VIPR2: variants seen among roughly 807,000 people sequenced by gnomAD.
The protein encoded by VIPR2 is vasoactive intestinal peptide receptor 2.
Under a neutral mutation model 58.0 loss-of-function variants are expected in VIPR2, and 48 were observed. The ratio of observed to expected loss-of-function variants is 0.83; its 90% CI spans 0.66 to 1.05. The LOEUF (loss-of-function observed/expected upper bound fraction) is 1.05, where lower values mean the gene tolerates loss of function less well. Ranked by LOEUF, VIPR2 falls within the 50% of genes least tolerant of loss-of-function variation. The pLI, the probability that VIPR2 is intolerant of heterozygous loss-of-function variation, is 0.00. For missense variants in VIPR2, 534 were observed against 558.0 expected (o/e 0.96, Z 0.43); for synonymous variants, 243 against 235.2 (o/e 1.03, Z -0.30).
Position 159,097,516 on chromosome 7 carries a change from C to T in VIPR2, c.357+6241G>A, listed in dbSNP as rs1857934850. Among the ~76,000 whole-genome samples, 1 of 152,052 alleles carries T rather than the reference C, an allele frequency of 6.6e-6. No homozygotes were observed. The highest frequency in any genetic ancestry group is 2.4e-5 in the African/African-American group (1 of 41,412). On this transcript the variant is annotated intron_variant, in intron 4 of 12. Transcript: ENST00000262178. The surrounding 1 kb of genome is among the most constrained non-coding windows in gnomAD (Gnocchi z 5.3). Reference sequence around the variant, plus strand: ...CTCCACCACAGAAGCAATGGCAGGGCTGTGAGTGCCCAGGGTGTTAGAGAT... The same window carrying T: ...CTCCACCACAGAAGCAATGGCAGGGTTGTGAGTGCCCAGGGTGTTAGAGAT...
At position 159,030,565 on chromosome 7, in the gene VIPR2, A is replaced by G; in HGVS notation, c.*51T>C. On this transcript the variant is annotated 3_prime_UTR_variant, in exon 13 of 13. Coordinates refer to ENST00000262178, the MANE Select transcript of VIPR2 (RefSeq NM_003382.5). The stretch of plus-strand genomic sequence containing the variant: ...GAGGAAGCCGGCGTCTCAGCCCCGC[A>G]GAAGCCCCGAACCGTGGGCCTCCCG... 2 of 1,477,746 alleles carry G rather than the reference A, an allele frequency of 1.4e-6. No homozygotes were observed. Among genetic ancestry groups the G allele is most frequent in the Non-Finnish European group, 1.8e-6 (2 of 1,110,498 alleles). 91.5% of individuals were successfully genotyped at this position (1,477,746 alleles called of 1,614,324 possible). A position where few individuals can be genotyped will look rare whatever the true frequency, so the allele number is the denominator to read the frequency against.
At chr7:159,108,339 G>T (rs1280831452) in intron 3 of VIPR2, among the ~76,000 whole-genome samples, 1 of 152,202 alleles carries the variant, frequency 6.6e-6, no homozygotes, top group Non-Finnish European at 1.5e-5. Context: ...ATTCCATGGG[G>T]ACCATCTGTC....
intron 4 of VIPR2, among the ~76,000 whole-genome samples, chr7:159,101,573 G>A (rs1488076243): frequency 8.5e-6 from 1 of 117,402 alleles, no homozygotes; most frequent in African/African-American, 3.4e-5. Context: ...GGTAGTGAAC[G>A]GGTCTCACGA....
chr7:159,031,746 G>C lies in VIPR2; in HGVS notation c.1143+82C>G. ...GAGCCCGCGGAAGACAGGCATGTGT[G>C]GGGGCTGCGGCACCAGGCTGGGCAG... is the stretch of plus-strand genomic sequence containing the variant. On this transcript the variant is annotated intron_variant, in intron 12 of 12. Coordinates refer to ENST00000262178, the MANE Select transcript of VIPR2 (RefSeq NM_003382.5). This position sits in a 1 kb window ranked among gnomAD's most constrained non-coding sequence, Gnocchi z 4.0. The C allele has an allele frequency of 6.2e-7, 1 of 1,608,838 alleles. No homozygotes were observed. The highest frequency in any genetic ancestry group is 8.5e-7 in the Non-Finnish European group (1 of 1,178,828).
At chr7:159,079,651 C>A (rs1298995532) in intron 4 of VIPR2, among the ~76,000 whole-genome samples, 1 of 152,094 alleles carries the variant, frequency 6.6e-6, no homozygotes, top group Non-Finnish European at 1.5e-5. Context: ...ACACAAAAAA[C>A]CCTTCAAAAA....
intron 4 of VIPR2, among the ~76,000 whole-genome samples, chr7:159,061,743 A>G (rs1251921816): frequency 6.6e-6 from 1 of 152,138 alleles, no homozygotes; most frequent in Non-Finnish European, 1.5e-5. Flanking sequence ...GGCGCCCACC[A>G]GGGTTGAGAA....
intron 4 of VIPR2, among the ~76,000 whole-genome samples, chr7:159,081,371 G>T (rs1400276966): frequency 6.6e-6 from 1 of 152,178 alleles, no homozygotes; most frequent in Non-Finnish European, 1.5e-5. Context: ...ATTGGGAAAG[G>T]ATTCCCTATT....
intron 4 of VIPR2, among the ~76,000 whole-genome samples, chr7:159,065,939 C>T (rs750020386): frequency 2.5e-4 from 38 of 152,222 alleles, no homozygotes; most frequent in Admixed American, 1.3e-4. Context: ...AGACAGAAAA[C>T]GCAGGTGAAG....
chr7:159,066,776 A>G (rs1856116189), intron 4 of VIPR2, among the ~76,000 whole-genome samples: 1 of 152,266 alleles, frequency 6.6e-6, no homozygotes, highest in Non-Finnish European at 1.5e-5. Flanking sequence ...TTTTAGAAAG[A>G]CAATACTGAT....
chr7:159,110,804 C>G (rs1344383783), intron 2 of VIPR2, among the ~76,000 whole-genome samples: 1 of 152,140 alleles, frequency 6.6e-6, no homozygotes, highest in Non-Finnish European at 1.5e-5. Context: ...GAACACACAG[C>G]TTTGGTGTGA....
At chr7:159,121,235 G>A (rs1295557122) in intron 2 of VIPR2, among the ~76,000 whole-genome samples, 2 of 150,964 alleles carry the variant, frequency 1.3e-5, no homozygotes, top group East Asian at 2.0e-4. Flanking sequence ...CTCGTCGTGC[G>A]GGGCAGACTC....
At chr7:159,121,306 G>T (rs1248140002) in intron 2 of VIPR2, among the ~76,000 whole-genome samples, 1 of 152,134 alleles carries the variant, frequency 6.6e-6, no homozygotes, top group Non-Finnish European at 1.5e-5. Flanking sequence ...CATTTACTAG[G>T]CGAGGTTTTC....
intron 2 of VIPR2, among the ~76,000 whole-genome samples, chr7:159,132,976 C>CTGATTTCAGACAGAATGATTGGCATACA (rs1563355641): frequency 6.9e-5 from 5 of 72,424 alleles, no homozygotes; most frequent in East Asian, 1.1e-3. Flanking sequence ...ATTGGCATAC[C>CTGATTTCAGACAGAATGATTGGCATACA]GATTGATTTT....
chr7:159,139,991 C>T lies in VIPR2; in HGVS notation c.151+2455G>A, dbSNP rs568132879. 2.6e-5 allele frequency among the ~76,000 whole-genome samples: 4 copies of T among 152,332 alleles called. No homozygotes were observed. The South Asian group carries it at 8.3e-4, about 32-fold the overall frequency. On this transcript the variant is annotated intron_variant, in intron 2 of 12. Transcript: ENST00000262178. The stretch of plus-strand genomic sequence containing the variant: ...TGCATCGATGTTAAGTCATACAGCT[C>T]CAAATAACTCCTAAGCTTACAAAGA...
At chr7:159,133,669 A>G (rs987048136) in intron 2 of VIPR2, among the ~76,000 whole-genome samples, 9 of 152,230 alleles carry the variant, frequency 5.9e-5, no homozygotes, top group Non-Finnish European at 1.0e-4. Context: ...ATGTACGTCT[A>G]TATGTATGTA....
chr7:159,032,514 C>T (rs529495834), intron 10 of VIPR2, among the ~76,000 whole-genome samples: 3 of 152,316 alleles, frequency 2.0e-5, no homozygotes, highest in South Asian at 2.1e-4. Context: ...ACCTGCAGCT[C>T]GTAACAGCTG....
At chr7:159,063,941 G>A (rs1855920388) in intron 4 of VIPR2, among the ~76,000 whole-genome samples, 1 of 147,394 alleles carries the variant, frequency 6.8e-6, no homozygotes, top group African/African-American at 2.5e-5. Flanking sequence ...TTGGATCTGG[G>A]GGGCCTGGCG....
intron 4 of VIPR2, among the ~76,000 whole-genome samples, chr7:159,088,183 T>C (rs914276376): frequency 1.3e-5 from 2 of 152,208 alleles, no homozygotes; most frequent in African/African-American, 2.4e-5. Context: ...GCCTTGACTG[T>C]TGCCCAATCC....
intron 3 of VIPR2, among the ~76,000 whole-genome samples, chr7:159,104,391 G>A (rs2129495961): frequency 1.4e-5 from 2 of 144,750 alleles, no homozygotes; most frequent in African/African-American, 5.2e-5. Context: ...GTTCCCAACA[G>A]CACGACAGTG....
Sources: allele counts gnomAD v4.1 joint callset (sites outside exome capture counted in the v4.1 genomes callset), GRCh38; gene constraint gnomAD v4.1.1; non-coding constraint Gnocchi (gnomAD v3.1); transcripts MANE v1.5; gene names NCBI Gene and HGNC (gene_info 2026-07-23, HGNC 2026-07-21).